Variants in EPHA6 observed in about 807,000 individuals in gnomAD.
EPHA6 encodes the protein ephrin type-A receptor 6.
In EPHA6, 50 loss-of-function variants were observed where a neutral mutation model predicts 112.0. The ratio of observed to expected loss-of-function variants is 0.45; its 90% CI spans 0.36 to 0.56. The LOEUF is 0.56. Ranked by LOEUF, EPHA6 falls within the 20% of genes least tolerant of loss-of-function variation. The pLI is 0.00. For missense variants in EPHA6, 1,280 were observed against 1,417.4 expected (o/e 0.90, Z 1.56); for synonymous variants, 529 against 490.7 (o/e 1.08, Z -1.03).
chr3:96,939,806 T>C (rs1325313300), intron 2 of EPHA6, among the ~76,000 whole-genome samples: 1 of 152,244 alleles, frequency 6.6e-6, no homozygotes, highest in Admixed American at 6.5e-5. Flanking sequence ...TGTTGTGTCT[T>C]TGTTCCCGTT....
In EPHA6 at chr3:97,508,977, T is replaced by C. The variant is rs1175618834; in HGVS notation, c.2201-23381T>C. ...TGTTTTATCAGAGACTAGGATTGCA[T>C]CCCTGGCTTTTTTTTTTTTTTTTTT... On this transcript the variant is annotated intron_variant, in intron 10 of 17. Coordinates refer to ENST00000389672, the MANE Select transcript of EPHA6 (RefSeq NM_001080448.3). Among the ~76,000 whole-genome samples, 186 of 135,006 alleles carry C rather than the reference T, an allele frequency of 1.4e-3. 1 individual carries two copies. The highest frequency in any genetic ancestry group is 2.1e-3 in the Non-Finnish European group (134 of 62,736). The allele number at this position is 135,006 out of a possible 152,430, so 88.6% of individuals were successfully genotyped here. A position where few individuals can be genotyped will look rare whatever the true frequency, so the allele number is the denominator to read the frequency against.
At chr3:96,994,801 T>A in intron 3 of EPHA6, among the ~76,000 whole-genome samples, 1 of 144,442 alleles carries the variant, frequency 6.9e-6, no homozygotes, top group East Asian at 2.0e-4. Context: ...TGTGTGTGTA[T>A]ATATATATAT....
chr3:96,966,271 C>T (rs1196770538), intron 2 of EPHA6, among the ~76,000 whole-genome samples: 1 of 152,050 alleles, frequency 6.6e-6, no homozygotes, highest in Admixed American at 6.6e-5. Context: ...ATTACAGTAA[C>T]CCATCCAAGG....
At chr3:96,976,844 T>C (rs971855167) in intron 2 of EPHA6, among the ~76,000 whole-genome samples, 2 of 152,166 alleles carry the variant, frequency 1.3e-5, no homozygotes, top group Admixed American at 1.3e-4. Context: ...TAAGTCTACT[T>C]TTAGGAGCTT....
At position 97,304,167 on chromosome 3, in the gene EPHA6, A is replaced by G. The variant is rs189763326; in HGVS notation, c.1606+59880A>G. On this transcript the variant is annotated intron_variant, in intron 5 of 17. Coordinates refer to ENST00000389672, the MANE Select transcript of EPHA6 (RefSeq NM_001080448.3). ...GCTGAGACAATGGGGTTTTCTAGAC[A>G]TAGGATAATGTCATCTGCAAACAGA... 6.2e-4 allele frequency among the ~76,000 whole-genome samples: 94 copies of G among 152,114 alleles called. 2 individuals carry two copies. The South Asian group carries it at 0.017, about 27-fold the overall frequency.
intron 14 of EPHA6, among the ~76,000 whole-genome samples, chr3:97,641,682 C>CA (rs1410851273): frequency 3.9e-5 from 6 of 152,270 alleles, no homozygotes; most frequent in African/African-American, 1.4e-4. Flanking sequence ...GGGTGACGGA[C>CA]GCACCTGGAA....
intron 13 of EPHA6, among the ~76,000 whole-genome samples, chr3:97,625,061 A>G (rs185260803): frequency 2.3e-4 from 34 of 150,776 alleles, no homozygotes; most frequent in Admixed American, 2.0e-3. Flanking sequence ...CTTTCTTCTA[A>G]TATTTATTTC....
rs192404256 is a variant in EPHA6, at chr3:97,105,635, T to G, written c.1114+117642T>G. Among the ~76,000 whole-genome samples the G allele has an allele frequency of 1.5e-4, 23 of 152,208 alleles. No individual in the cohort carries two copies. The East Asian group carries it at 4.5e-3, about 30-fold the overall frequency. On this transcript the variant is annotated intron_variant, in intron 3 of 17. Coordinates refer to ENST00000389672, the MANE Select transcript of EPHA6 (RefSeq NM_001080448.3). ...AGAAGAATGTATATTCTGTTGGTTT[T>G]GGGTGGAGAGTTCTGCAGAGGTCCA... is the stretch of plus-strand genomic sequence containing the variant.
chr3:97,379,501 A>T (rs1258268291), intron 5 of EPHA6, among the ~76,000 whole-genome samples: 1 of 152,028 alleles, frequency 6.6e-6, no homozygotes, highest in Non-Finnish European at 1.5e-5. Flanking sequence ...CTGTAATCCC[A>T]ACACTTTGGG....
chr3:97,663,981 T>G (rs948092763), intron 14 of EPHA6, among the ~76,000 whole-genome samples: 1 of 152,180 alleles, frequency 6.6e-6, no homozygotes, highest in Non-Finnish European at 1.5e-5. Flanking sequence ...TTTCTCCACA[T>G]CCTCTCCAGC....
intron 15 of EPHA6, among the ~76,000 whole-genome samples, chr3:97,722,746 ATT>A (rs1460608279): frequency 6.6e-6 from 1 of 152,142 alleles, no homozygotes; most frequent in African/African-American, 2.4e-5. Flanking sequence ...ATATATATAT[ATT>A]GCAAAATATA....
At chr3:97,101,681 A>T (rs1395900584) in intron 3 of EPHA6, among the ~76,000 whole-genome samples, 1 of 152,096 alleles carries the variant, frequency 6.6e-6, no homozygotes, top group East Asian at 1.9e-4. Context: ...GTTTAGTAAG[A>T]TCTAAATAGA....
chr3:97,630,928 C>T (rs982867893), intron 13 of EPHA6, among the ~76,000 whole-genome samples: 2 of 151,970 alleles, frequency 1.3e-5, no homozygotes, highest in Non-Finnish European at 2.9e-5. Context: ...AGGTCTTTTT[C>T]CACCTTATAA....
At position 97,610,793 on chromosome 3, in the gene EPHA6, G is replaced by A. The variant is rs893324942; in HGVS notation, c.2513G>A (p.Gly838Asp). The A allele has an allele frequency of 5.0e-6, 8 of 1,610,898 alleles. No homozygotes were observed. Among genetic ancestry groups the A allele is most frequent in the Non-Finnish European group, 6.8e-6 (8 of 1,177,964 alleles). The stretch of plus-strand genomic sequence containing the variant: ...TGTGTATTCTCTTGCTCTTTTGCAG[G>A]CAGACCAGTAATGATTGTGGTGGAA... ...GGSLPPRIPA[G>D]RPVMIVVEYM... The change falls in exon 13 of 18, where the codon GGC (glycine) becomes GAC (aspartate). Residue 838 changes from glycine to aspartate, a missense_variant and splice_region_variant. By Grantham distance (94) the Gly-to-Asp change is moderately conservative. Transcript: ENST00000389672.
At chr3:97,335,424 A>G (rs912809088) in intron 5 of EPHA6, among the ~76,000 whole-genome samples, 1 of 152,202 alleles carries the variant, frequency 6.6e-6, no homozygotes, top group Non-Finnish European at 1.5e-5. Context: ...TTGCTACAGC[A>G]GCACAAATGA....
chr3:97,314,868 T>G (rs566249628), intron 5 of EPHA6, among the ~76,000 whole-genome samples: 1 of 151,722 alleles, frequency 6.6e-6, no homozygotes, highest in Non-Finnish European at 1.5e-5. Flanking sequence ...ATATCATATA[T>G]GCCAAGTCTT....
At chr3:97,724,279 A>T (rs1029869402) in intron 15 of EPHA6, among the ~76,000 whole-genome samples, 1 of 152,206 alleles carries the variant, frequency 6.6e-6, no homozygotes, top group Non-Finnish European at 1.5e-5. Context: ...AGTGAATAAT[A>T]TAATGAGTTT....
intron 10 of EPHA6, among the ~76,000 whole-genome samples, chr3:97,495,027 G>A (rs1002213917): frequency 1.8e-4 from 28 of 152,110 alleles, no homozygotes; most frequent in Admixed American, 5.2e-4. Context: ...TGAGAACACA[G>A]GGATAGCACG....
At chr3:97,067,763 T>C (rs935473295) in intron 3 of EPHA6, among the ~76,000 whole-genome samples, 1 of 151,886 alleles carries the variant, frequency 6.6e-6, no homozygotes, top group African/African-American at 2.4e-5. Flanking sequence ...ACCATTTCTA[T>C]AGTAAGGGGA....
Sources: allele counts gnomAD v4.1 joint callset (sites outside exome capture counted in the v4.1 genomes callset), GRCh38; gene constraint gnomAD v4.1.1; transcripts MANE v1.5; gene names NCBI Gene and HGNC (gene_info 2026-07-23, HGNC 2026-07-21).